The following RTTN variants were observed in gnomAD, a reference collection of about 807,000 sequenced individuals.
The protein encoded by RTTN is rotatin.
RTTN carries 182 observed loss-of-function variants against 269.2 expected under a neutral mutation model. The observed-to-expected ratio is 0.68, with a 90% CI of 0.60 to 0.76. RTTN has a LOEUF of 0.76. Among genes scored for constraint, RTTN ranks in the 30% least tolerant of loss-of-function variants. The pLI, the probability that RTTN is intolerant of heterozygous loss-of-function variation, is 0.00. For synonymous variants in RTTN, 1,006 were observed against 963.5 expected (o/e 1.04, Z -0.82); for missense variants, 2,545 against 2,608.6 (o/e 0.98, Z 0.53).
chr18:70,035,121 C>T (rs1205787654), intron 40 of RTTN, among the ~76,000 whole-genome samples: 6 of 152,118 alleles, frequency 3.9e-5, no homozygotes, highest in African/African-American at 1.4e-4. Flanking sequence ...ATCAACATTG[C>T]TAAAATGGCC....
At chr18:70,062,091 C>G (rs976093921) in intron 35 of RTTN, among the ~76,000 whole-genome samples, 1 of 152,170 alleles carries the variant, frequency 6.6e-6, no homozygotes, top group Non-Finnish European at 1.5e-5. Flanking sequence ...TGCTTGGTTA[C>G]AGTTCATTTT....
At chr18:70,185,893 A>C (rs1323770962) in intron 10 of RTTN, among the ~76,000 whole-genome samples, 4 of 151,996 alleles carry the variant, frequency 2.6e-5, no homozygotes. Flanking sequence ...CAATCCAAAA[A>C]CTTTTAAAAT....
At position 70,178,608 on chromosome 18, in the gene RTTN, C is replaced by T. The variant is rs367567367; in HGVS notation, c.1306-1763G>A. Among the ~76,000 whole-genome samples, 10 of 151,852 alleles carry T rather than the reference C, an allele frequency of 6.6e-5. No homozygotes were observed. The South Asian group carries it at 1.3e-3, about 19-fold the overall frequency. On this transcript the variant is annotated intron_variant, in intron 10 of 48. Coordinates refer to ENST00000640769, the MANE Select transcript of RTTN (RefSeq NM_173630.4). ...TATACTATAAAAAGTTTAAATTTTC[C>T]TATAAATGAAACAATTTCATATTGA...
rs2056675649 is a variant in RTTN, at chr18:70,020,629, C to T, written c.6139G>A (p.Gly2047Arg). 6.2e-7 allele frequency: 1 copy of T among 1,613,708 alleles called. No homozygotes were observed. The highest frequency in any genetic ancestry group is 1.1e-5 in the South Asian group (1 of 91,056). Residue 2047 changes from glycine (G) to arginine (R), a missense_variant, in exon 45 of 49, where the codon GGA (glycine) becomes AGA (arginine). Gly to Arg is a moderately radical substitution (Grantham distance 125). Transcript: ENST00000640769. The part of the protein sequence containing the change: ...SNLALSHDCK[G>R]VIQKSNFLQN... ...TAAGTGCGTACCTTCTGAATTACTC[C>T]TTTACAGTCATGCGACAAGGCCAGG... is the stretch of plus-strand genomic sequence containing the variant.
chr18:70,162,886 G>GAAAAA (rs5825997), intron 14 of RTTN, among the ~76,000 whole-genome samples: 1 of 50,202 alleles, frequency 2.0e-5, no homozygotes, highest in Non-Finnish European at 3.6e-5. Context: ...AATAAAAGTT[G>GAAAAA]AAAAAAAAAA....
chr18:70,028,655 T>C lies in RTTN; in HGVS notation c.5823+69A>G, dbSNP rs533581672. 8.1e-6 allele frequency: 7 copies of C among 866,000 alleles called. No individual in the cohort carries two copies. The South Asian group carries it at 1.2e-4, about 15-fold the overall frequency. The allele number at this position is 866,000 out of a possible 1,614,324, so 53.6% of individuals were successfully genotyped here. The stretch of plus-strand genomic sequence containing the variant: ...GCTTTCCATTTTTCCTACTACATTA[T>C]CTCACATAAAAATTAAACTGCTTAA... On this transcript the variant is annotated intron_variant, in intron 43 of 48. Transcript: ENST00000640769.
At chr18:70,017,787 C>A (rs1362290758) in intron 45 of RTTN, 113 bp from the exon 46 acceptor site, 5 of 798,736 alleles carry the variant, frequency 6.3e-6, no homozygotes, top group Middle Eastern at 3.7e-4. Flanking sequence ...ACATTAATTT[C>A]TCCTTTCTAA....
chr18:70,004,297 G>A (rs1371189157), intron 48 of RTTN, 61 bp from the exon 49 acceptor site: 2 of 1,138,282 alleles, frequency 1.8e-6, no homozygotes, highest in Non-Finnish European at 2.7e-6. Context: ...CTATACTTAG[G>A]AGGCACACAC....
In RTTN at chr18:70,114,571, A is replaced by C. The variant is rs896562521; in HGVS notation, c.3557T>G (p.Val1186Gly). The change falls in exon 27 of 49, where the codon GTT (valine) becomes GGT (glycine). Residue 1186 changes from valine (V) to glycine (G), a missense_variant. By Grantham distance (109) the Val-to-Gly change is moderately radical. Coordinates refer to ENST00000640769, the MANE Select transcript of RTTN (RefSeq NM_173630.4). Reference protein sequence around the residue: ...HSANPLLDLLVLTESQAREET... With the variant: ...HSANPLLDLLGLTESQAREET... The stretch of plus-strand genomic sequence containing the variant: ...TTCTCGTGCCTGTGACTCTGTCAGA[A>C]CCAAGAGGTCTAACAGTGGGTTTGC... 3 of 1,613,498 alleles carry C rather than the reference A, an allele frequency of 1.9e-6. No individual in the cohort carries two copies. Among genetic ancestry groups the C allele is most frequent in the Non-Finnish European group, 1.7e-6 (2 of 1,179,576 alleles).
intron 10 of RTTN, among the ~76,000 whole-genome samples, chr18:70,186,078 CCCA>C (rs1304406969): frequency 6.8e-6 from 1 of 146,186 alleles, no homozygotes; most frequent in Non-Finnish European, 1.5e-5. Flanking sequence ...CCCTCTCCCC[CCCA>C]AAAAAAAAAA....
In RTTN at chr18:70,044,006, A is replaced by G. The variant is rs188248453; in HGVS notation, c.5541+3965T>C. Reference sequence around the variant, plus strand: ...ATCAAGACGATATACAGAGCAAGACATAATGTCTTTTCATCAACCAAAATT... The same window carrying G: ...ATCAAGACGATATACAGAGCAAGACGTAATGTCTTTTCATCAACCAAAATT... On this transcript the variant is annotated intron_variant, in intron 40 of 48. Coordinates refer to ENST00000640769, the MANE Select transcript of RTTN (RefSeq NM_173630.4). 1.3e-4 allele frequency among the ~76,000 whole-genome samples: 20 copies of G among 152,382 alleles called. No homozygotes were observed. The East Asian group carries it at 3.1e-3, about 23-fold the overall frequency.
At chr18:70,061,078 C>T (rs1424310002) in intron 35 of RTTN, among the ~76,000 whole-genome samples, 2 of 151,920 alleles carry the variant, frequency 1.3e-5, no homozygotes, top group Admixed American at 6.6e-5. Context: ...GCTATCTCGT[C>T]GATATACTTT....
chr18:70,025,019 G>A (rs1029495807), intron 43 of RTTN, among the ~76,000 whole-genome samples, 171 bp from the exon 44 acceptor site: 2 of 152,230 alleles, frequency 1.3e-5, no homozygotes, highest in Non-Finnish European at 2.9e-5. Context: ...CCCTGACCAC[G>A]AGCCTGACCA....
intron 46 of RTTN, 136 bp from the exon 47 acceptor site, chr18:70,006,620 A>G (rs2056197172): frequency 1.5e-6 from 1 of 669,596 alleles, no homozygotes; most frequent in Non-Finnish European, 2.7e-6. Flanking sequence ...CTATGGCAAA[A>G]CCAATCTTTT....
chr18:70,056,399 G>A (rs1272163408), intron 37 of RTTN, among the ~76,000 whole-genome samples: 1 of 152,120 alleles, frequency 6.6e-6, no homozygotes, highest in Non-Finnish European at 1.5e-5. Flanking sequence ...TTTATAAAAT[G>A]ACATTAATGA....
At chr18:70,191,909 A>T (rs2061680817) in intron 8 of RTTN, among the ~76,000 whole-genome samples, 1 of 152,194 alleles carries the variant, frequency 6.6e-6, no homozygotes, top group African/African-American at 2.4e-5. Context: ...TGAAGCACAC[A>T]AGAGAATGAG....
intron 27 of RTTN, among the ~76,000 whole-genome samples, chr18:70,112,089 A>G (rs1298174579): frequency 6.6e-6 from 1 of 152,230 alleles, no homozygotes; most frequent in Admixed American, 6.5e-5. Context: ...AAAATCTTTT[A>G]CAGACAAGCA....
chr18:70,173,647 T>A (rs1435755788), intron 11 of RTTN, among the ~76,000 whole-genome samples: 1 of 152,192 alleles, frequency 6.6e-6, no homozygotes, highest in South Asian at 2.1e-4. Context: ...TGCATTTTAG[T>A]GTGTCACTCC....
At chr18:70,070,219 C>T (rs1217004572) in intron 34 of RTTN, among the ~76,000 whole-genome samples, 1 of 152,250 alleles carries the variant, frequency 6.6e-6, no homozygotes, top group Non-Finnish European at 1.5e-5. Flanking sequence ...TGTGTGTAAT[C>T]TAAGAGCACA....
Sources: gnomAD v4.1 joint callset for allele counts (sites outside exome capture counted in the v4.1 genomes callset) on GRCh38, gnomAD v4.1.1 for gene constraint, MANE v1.5 for transcripts, NCBI Gene and HGNC (gene_info 2026-07-23, HGNC 2026-07-21) for gene names.